Variants in PRKG1 observed in about 807,000 individuals in gnomAD.
The protein encoded by PRKG1 is protein kinase cGMP-dependent 1.
In PRKG1, 35 loss-of-function variants were observed where a neutral mutation model predicts 88.1. The ratio of observed to expected loss-of-function variants is 0.40; its 90% CI spans 0.30 to 0.53. The LOEUF is 0.53. PRKG1 is among the 20% of genes least tolerant of loss of function. The probability of loss-of-function intolerance (pLI) is 0.59; values close to 1 mark genes in which losing one functional copy is unlikely to be tolerated. For synonymous variants in PRKG1, 303 were observed against 292.5 expected (o/e 1.04, Z -0.37); for missense variants, 540 against 839.8 (o/e 0.64, Z 4.41).
intron 8 of PRKG1, among the ~76,000 whole-genome samples, chr10:52,136,328 A>G (rs552157375): frequency 6.6e-6 from 1 of 152,168 alleles, no homozygotes; most frequent in South Asian, 2.1e-4. Context: ...TGATTTTCTG[A>G]AAAGTGAAAA....
chr10:51,697,107 C>T (rs908353345), intron 3 of PRKG1: 5 of 152,154 alleles, frequency 3.3e-5, no homozygotes, highest in African/African-American at 1.2e-4. Context: ...GGTAACATAA[C>T]TTTAGAAAAA....
At chr10:51,359,256 T>C (rs2132582890) in intron 2 of PRKG1, among the ~76,000 whole-genome samples, 2 of 152,058 alleles carry the variant, frequency 1.3e-5, no homozygotes, top group Middle Eastern at 6.8e-3. Flanking sequence ...ATTATTTAAG[T>C]TAAAATTTTA....
chr10:51,788,665 A>G (rs1472655959), intron 3 of PRKG1, among the ~76,000 whole-genome samples: 1 of 152,172 alleles, frequency 6.6e-6, no homozygotes, highest in Non-Finnish European at 1.5e-5. Context: ...AACGGGACCT[A>G]GATAGAAACA....
intron 5 of PRKG1, among the ~76,000 whole-genome samples, chr10:52,017,722 G>A (rs961913516): frequency 6.6e-6 from 1 of 152,184 alleles, no homozygotes; most frequent in Non-Finnish European, 1.5e-5. Context: ...GGCTGCAGAG[G>A]AGTGGAGATA....
chr10:51,528,460 G>T (rs1167749373), intron 3 of PRKG1, among the ~76,000 whole-genome samples: 1 of 151,740 alleles, frequency 6.6e-6, no homozygotes, highest in Non-Finnish European at 1.5e-5. Context: ...AAAGTTGGTA[G>T]GGCATATTTT....
chr10:51,546,109 G>C (rs928482670), intron 3 of PRKG1, among the ~76,000 whole-genome samples: 14 of 147,976 alleles, frequency 9.5e-5, no homozygotes, highest in African/African-American at 3.5e-4. Flanking sequence ...ATTGCTATTT[G>C]TGTTTCTAGC....
intron 10 of PRKG1, among the ~76,000 whole-genome samples, chr10:52,259,209 G>T (rs193116064): frequency 1.1e-4 from 16 of 151,638 alleles, no homozygotes; most frequent in African/African-American, 3.6e-4. Context: ...TGACATGAAA[G>T]AATGCACTAT....
At chr10:51,923,284 C>T (rs1455889196) in intron 5 of PRKG1, among the ~76,000 whole-genome samples, 3 of 151,556 alleles carry the variant, frequency 2.0e-5, no homozygotes, top group Non-Finnish European at 4.4e-5. Context: ...CTCTCTCTGT[C>T]TTTATATTTA....
At chr10:51,401,240 T>G (rs1479890400) in intron 2 of PRKG1, among the ~76,000 whole-genome samples, 1 of 152,228 alleles carries the variant, frequency 6.6e-6, no homozygotes, top group Non-Finnish European at 1.5e-5. Flanking sequence ...TTAAAATCTG[T>G]CTATATTTTA....
intron 8 of PRKG1, among the ~76,000 whole-genome samples, chr10:52,156,900 A>G (rs1446373147): frequency 6.6e-6 from 1 of 151,704 alleles, no homozygotes; most frequent in Non-Finnish European, 1.5e-5. Context: ...GCATAACGGT[A>G]TAGCCTGTGA....
At chr10:51,422,961 G>GT (rs57764048) in intron 2 of PRKG1, among the ~76,000 whole-genome samples, 36,247 of 145,894 alleles carry the variant, frequency 0.25, 4,510 homozygotes, top group Middle Eastern at 0.31. Context: ...ATTGAAATAG[G>GT]TTTTTTTTTT....
At chr10:52,097,642 T>C (rs977660789) in intron 7 of PRKG1, among the ~76,000 whole-genome samples, 1 of 152,122 alleles carries the variant, frequency 6.6e-6, no homozygotes, top group African/African-American at 2.4e-5. Context: ...TGCAAACTAA[T>C]TGATTCTCCA....
intron 2 of PRKG1, among the ~76,000 whole-genome samples, chr10:51,293,391 C>T (rs1676466497): frequency 6.6e-6 from 1 of 152,092 alleles, no homozygotes; most frequent in African/African-American, 2.4e-5. Flanking sequence ...TGTTAACCAG[C>T]TCCTGGCAAC....
intron 1 of PRKG1, among the ~76,000 whole-genome samples, chr10:51,050,698 T>C (rs1219855815): frequency 6.6e-6 from 1 of 152,178 alleles, no homozygotes; most frequent in African/African-American, 2.4e-5. Context: ...TGCTGTATCA[T>C]ATGGTAGTTC....
chr10:51,412,766 G>T (rs115780149), intron 2 of PRKG1, among the ~76,000 whole-genome samples: 3 of 152,188 alleles, frequency 2.0e-5, no homozygotes, highest in Non-Finnish European at 4.4e-5. Context: ...CTGAGGTAGG[G>T]AGTGAAGAAG....
chr10:51,384,957 A>G (rs1013571188), intron 2 of PRKG1, among the ~76,000 whole-genome samples: 3 of 152,234 alleles, frequency 2.0e-5, no homozygotes, highest in African/African-American at 7.2e-5. Flanking sequence ...AACAAAGCAA[A>G]CAAATGAAAC....
chr10:51,002,235 T>G (rs1329565075), intron 1 of PRKG1, among the ~76,000 whole-genome samples: 1 of 151,932 alleles, frequency 6.6e-6, no homozygotes, highest in African/African-American at 2.4e-5. Flanking sequence ...ATTCACTCCC[T>G]TCTACCCCCA....
intron 1 of PRKG1, among the ~76,000 whole-genome samples, chr10:51,003,165 AAACAACAACAAC>A (rs67761270): frequency 0.31 from 46,278 of 150,880 alleles, 7,462 homozygotes; most frequent in African/African-American, 0.39. Context: ...TGCAGGGCCA[AAACAACAACAAC>A]AACAACAACA....
chr10:51,102,168 CAT>C (rs1286085989), intron 1 of PRKG1, among the ~76,000 whole-genome samples: 2 of 152,102 alleles, frequency 1.3e-5, no homozygotes, highest in African/African-American at 4.8e-5. Context: ...AAGCATAAAA[CAT>C]AGTATAATAA....
Sources: gnomAD v4.1 joint callset for allele counts (sites outside exome capture counted in the v4.1 genomes callset) on GRCh38, gnomAD v4.1.1 for gene constraint, MANE v1.5 for transcripts, NCBI Gene and HGNC (gene_info 2026-07-23, HGNC 2026-07-21) for gene names.